The following KHDRBS3 variants were observed in gnomAD, a reference collection of about 807,000 sequenced individuals.
The protein encoded by KHDRBS3 is KH RNA binding domain containing, signal transduction associated 3, also known as KH domain-containing, RNA-binding, signal transduction-associated protein 3.
KHDRBS3 carries 23 observed loss-of-function variants against 45.6 expected under a neutral mutation model. That is an observed-to-expected ratio of 0.50 (90% CI 0.36 to 0.72). The LOEUF (loss-of-function observed/expected upper bound fraction) is 0.72, where lower values mean the gene tolerates loss of function less well. Ranked by LOEUF, KHDRBS3 falls within the 30% of genes least tolerant of loss-of-function variation. The pLI is 0.00. For missense variants in KHDRBS3, 352 were observed against 424.8 expected (o/e 0.83, Z 1.51); for synonymous variants, 162 against 156.5 (o/e 1.04, Z -0.26).
chr8:135,518,946 G>GA (rs753982796), intron 1 of KHDRBS3, among the ~76,000 whole-genome samples: 40 of 152,094 alleles, frequency 2.6e-4, no homozygotes, highest in Admixed American at 1.4e-3. Flanking sequence ...TATTTTTATA[G>GA]AAAAAATCAA....
chr8:135,502,872 A>G (rs1056849077), intron 1 of KHDRBS3, among the ~76,000 whole-genome samples: 3 of 152,152 alleles, frequency 2.0e-5, no homozygotes, highest in African/African-American at 7.2e-5. Context: ...TGTATTCTAG[A>G]TGTATTCTGT....
intron 7 of KHDRBS3, among the ~76,000 whole-genome samples, chr8:135,617,299 A>G (rs1346670682): frequency 2.1e-5 from 3 of 140,742 alleles, no homozygotes; most frequent in Non-Finnish European, 1.5e-5. Flanking sequence ...TATTTTTCAG[A>G]GACAGAGTCT....
intron 1 of KHDRBS3, among the ~76,000 whole-genome samples, chr8:135,503,067 G>C (rs965196260): frequency 6.6e-6 from 1 of 152,104 alleles, no homozygotes; most frequent in Non-Finnish European, 1.5e-5. Flanking sequence ...AAGTTATCTT[G>C]GACAGTGCTG....
intron 6 of KHDRBS3, among the ~76,000 whole-genome samples, chr8:135,605,199 C>G (rs187817835): frequency 6.6e-6 from 1 of 152,044 alleles, no homozygotes; most frequent in Admixed American, 6.5e-5. Flanking sequence ...AGTTTTCAGC[C>G]ATCGTTTCTC....
chr8:135,470,359 G>A (rs1224070233), intron 1 of KHDRBS3, among the ~76,000 whole-genome samples: 1 of 151,902 alleles, frequency 6.6e-6, no homozygotes, highest in African/African-American at 2.4e-5. Context: ...TCTCTCTTAG[G>A]CTCATTAGGA....
chr8:135,550,182 G>A (rs1563761591), intron 4 of KHDRBS3, among the ~76,000 whole-genome samples: 1 of 152,126 alleles, frequency 6.6e-6, no homozygotes, highest in African/African-American at 2.4e-5. Context: ...TGCAGATCTA[G>A]CCAGGTGAAA....
chr8:135,644,954 C>A, intron 7 of KHDRBS3, 105 bp from the exon 8 acceptor site: 4 of 1,178,790 alleles, frequency 3.4e-6, no homozygotes, highest in Non-Finnish European at 4.9e-6. Context: ...AATTTTCAGT[C>A]TTGCCCTTCA....
Position 135,485,456 on chromosome 8 carries a change from G to A in KHDRBS3, c.88+27502G>A, listed in dbSNP as rs190435229. Among the ~76,000 whole-genome samples, 538 of 152,222 alleles carry A rather than the reference G, an allele frequency of 3.5e-3. 8 individuals carry two copies. The highest frequency in any genetic ancestry group is 0.012 in the African/African-American group (489 of 41,520). ...CAAGGTTTAGAGATAAAGTATGACG[G>A]TCTATGGCATGAGTGAGGGGAACCA... On this transcript the variant is annotated intron_variant, in intron 1 of 8. Coordinates refer to ENST00000355849, the MANE Select transcript of KHDRBS3 (RefSeq NM_006558.3).
intron 1 of KHDRBS3, among the ~76,000 whole-genome samples, chr8:135,519,804 G>T (rs543445456): frequency 4.6e-5 from 7 of 152,254 alleles, no homozygotes; most frequent in Admixed American, 2.0e-4. Flanking sequence ...CAATCATTTA[G>T]TTCGAAATGG....
chr8:135,625,287 A>G (rs4129878), intron 7 of KHDRBS3: 1,169,964 of 1,306,064 alleles, frequency 0.9, 524,006 homozygotes, highest in East Asian at 1. Context: ...ATACAGGGTC[A>G]TTTTCCCCCT....
intron 2 of KHDRBS3, among the ~76,000 whole-genome samples, chr8:135,527,527 G>T (rs1163963073): frequency 4.6e-5 from 7 of 152,228 alleles, no homozygotes; most frequent in Non-Finnish European, 8.8e-5. Flanking sequence ...ATTGGCCAAA[G>T]GTCCTGCAAA....
At chr8:135,638,305 A>G (rs1471074249) in intron 7 of KHDRBS3, among the ~76,000 whole-genome samples, 1 of 152,152 alleles carries the variant, frequency 6.6e-6, no homozygotes, top group Non-Finnish European at 1.5e-5. Context: ...GGGTAGTCCC[A>G]CCCTCTGGAG....
chr8:135,563,262 G>A (rs1000046565), intron 5 of KHDRBS3, among the ~76,000 whole-genome samples: 39 of 152,080 alleles, frequency 2.6e-4, no homozygotes, highest in Non-Finnish European at 3.1e-4. Flanking sequence ...TAACTCCAGC[G>A]TTACTGGTCT....
chr8:135,554,938 C>T (rs1826799246), intron 4 of KHDRBS3, among the ~76,000 whole-genome samples: 1 of 152,170 alleles, frequency 6.6e-6, no homozygotes. Flanking sequence ...ATCCTCTGTT[C>T]CTCCCTGCAA....
chr8:135,533,861 C>G (rs1230088897), intron 2 of KHDRBS3, among the ~76,000 whole-genome samples: 1 of 152,098 alleles, frequency 6.6e-6, no homozygotes, highest in Admixed American at 6.5e-5. Context: ...CAACATTAGC[C>G]TATAGTTGGG....
chr8:135,543,808 A>G (rs988761908), intron 3 of KHDRBS3, among the ~76,000 whole-genome samples: 1 of 152,196 alleles, frequency 6.6e-6, no homozygotes, highest in African/African-American at 2.4e-5. Flanking sequence ...TTTTCTGACA[A>G]CAGCACCCGT....
chr8:135,505,375 T>C (rs1207823817), intron 1 of KHDRBS3, among the ~76,000 whole-genome samples: 1 of 152,142 alleles, frequency 6.6e-6, no homozygotes, highest in Admixed American at 6.5e-5. Context: ...CCTGCCCTGC[T>C]TGTGGTCCCT....
At chr8:135,577,880 T>G (rs1828020878) in intron 5 of KHDRBS3, among the ~76,000 whole-genome samples, 1 of 152,210 alleles carries the variant, frequency 6.6e-6, no homozygotes, top group African/African-American at 2.4e-5. Context: ...TTTATGTTTT[T>G]CATATCCTCA....
chr8:135,460,712 T>G (rs945808176), intron 1 of KHDRBS3, among the ~76,000 whole-genome samples: 5 of 152,226 alleles, frequency 3.3e-5, no homozygotes, highest in Non-Finnish European at 7.3e-5. Context: ...CTTGCCTTCT[T>G]TGAAGAAGCA....
Sources: gnomAD v4.1 joint callset for allele counts (sites outside exome capture counted in the v4.1 genomes callset) on GRCh38, gnomAD v4.1.1 for gene constraint, MANE v1.5 for transcripts, NCBI Gene and HGNC (gene_info 2026-07-23, HGNC 2026-07-21) for gene names.